Variants in AGL observed in about 807,000 individuals in gnomAD.
AGL encodes amylo-alpha-1,6-glucosidase and 4-alpha-glucanotransferase.
In AGL, 128 loss-of-function variants were observed where a neutral mutation model predicts 199.3. That is an observed-to-expected ratio of 0.64 (90% CI 0.56 to 0.74). The LOEUF is 0.74. AGL is among the 30% of genes least tolerant of loss of function. AGL has a pLI of 0.00. For missense variants in AGL, 1,809 were observed against 1,820.8 expected, an observed-to-expected ratio of 0.99 and a Z score of 0.12; for synonymous variants, 584 against 594.7, an observed-to-expected ratio of 0.98 and a Z score of 0.26.
Position 99,861,552 on chromosome 1 carries a change from T to A in AGL, c.132T>A (p.Val44=), listed in dbSNP as rs1317045410. The A allele has an allele frequency of 6.2e-7, 1 of 1,614,016 alleles. No homozygotes were observed. Among genetic ancestry groups the A allele is most frequent in the South Asian group, 1.1e-5 (1 of 91,076 alleles). Residue 44 remains valine (V), a synonymous_variant, in exon 3 of 34, where the codon GTT becomes GTA. Coordinates refer to ENST00000361915, the MANE Select transcript of AGL (RefSeq NM_000642.3). ...GCCCAACTTTACAGGGAAAAGCAGTTACCGTGTATACAAATTACCCATTTC... is the reference window on the plus strand; with the variant it reads ...GCCCAACTTTACAGGGAAAAGCAGTAACCGTGTATACAAATTACCCATTTC... The part of the protein sequence containing the change: ...RLGPTLQGKA[V]TVYTNYPFPG...
At chr1:99,874,357 TAAA>T (rs1214752345) in intron 7 of AGL, 1 of 152,808 alleles carries the variant, frequency 6.5e-6, no homozygotes, top group African/African-American at 2.4e-5. Flanking sequence ...TATAAAAAAA[TAAA>T]AAAAGAATAG....
Position 99,864,526 on chromosome 1 carries a change from G to A in AGL, c.601G>A (p.Val201Met). 1 of 1,613,938 alleles carries A rather than the reference G, an allele frequency of 6.2e-7. No homozygotes were observed. Among genetic ancestry groups the A allele is most frequent in the Non-Finnish European group, 8.5e-7 (1 of 1,179,912 alleles). Reference protein sequence around the residue: ...KYTWNDVGQLVEKLKKEWNVI... With the variant: ...KYTWNDVGQLMEKLKKEWNVI... The stretch of plus-strand genomic sequence containing the variant: ...TACCTGGAATGATGTTGGACAGCTA[G>A]TGGAAAAATTAAAAAAGGAATGGAA... The change falls in exon 5 of 34, where the codon GTG (valine) becomes ATG (methionine). Residue 201 changes from valine to methionine, a missense_variant. Coordinates refer to ENST00000361915, the MANE Select transcript of AGL (RefSeq NM_000642.3).
At chr1:99,915,553 ATTTT>A in intron 31 of AGL, 67 bp downstream of exon 31, 2 of 1,035,582 alleles carry the variant, frequency 1.9e-6, no homozygotes, top group African/African-American at 1.7e-5. Flanking sequence ...ATCAACCATA[ATTTT>A]TTTTTTTTTG....
chr1:99,895,013 C>T (rs1307475805), intron 24 of AGL, among the ~76,000 whole-genome samples: 1 of 152,040 alleles, frequency 6.6e-6, no homozygotes, highest in African/African-American at 2.4e-5. Flanking sequence ...CCTCAGTTTC[C>T]CCTAACCAAA....
rs1236821933 is a variant in AGL at position 99,864,438 on chromosome 1, A to G, written c.513A>G (p.Ser171=). 6.2e-6 allele frequency: 10 copies of G among 1,613,960 alleles called. No homozygotes were observed. The highest frequency in any genetic ancestry group is 2.2e-5 in the East Asian group (1 of 44,830). ...TGCAGACTCTTGGACTATCTAGGTC[A>G]TGCTACTCCCTTGCCAATCAGTTAG... ...TPLQTLGLSR[S]CYSLANQLEL... is the part of the protein sequence containing the mutation. The change falls in exon 5 of 34, where the codon TCA becomes TCG. Residue 171 remains serine (S), a synonymous_variant. Coordinates refer to ENST00000361915, the MANE Select transcript of AGL (RefSeq NM_000642.3).
intron 2 of AGL, among the ~76,000 whole-genome samples, chr1:99,857,209 A>G (rs1415059027): frequency 6.6e-6 from 1 of 151,868 alleles, no homozygotes; most frequent in Non-Finnish European, 1.5e-5. Context: ...CTCACATCCC[A>G]GACGGGGCGG....
chr1:99,921,725 G>C lies in AGL; in HGVS notation c.*74G>C. 3.0e-6 allele frequency: 3 copies of C among 993,034 alleles called. No individual in the cohort carries two copies. The Admixed American group carries it at 5.6e-5, about 19-fold the overall frequency. The allele number at this position is 993,034 out of a possible 1,614,324, so 61.5% of individuals were successfully genotyped here. A position where few individuals can be genotyped will look rare whatever the true frequency, so the allele number is the denominator to read the frequency against. The stretch of plus-strand genomic sequence containing the variant: ...GTCATCATATGTAAATGCCTTATAT[G>C]CACAGGCTCAAGTTGTTTTAAAAAT... On this transcript the variant is annotated 3_prime_UTR_variant, in exon 34 of 34. Transcript: ENST00000361915.
Position 99,891,712 on chromosome 1 carries a change from T to G in AGL, c.3056T>G (p.Leu1019Arg). ...AILIGAYTTL[L>R]DTAWKQMSSF... is the part of the protein sequence containing the mutation. ...TTAATTGGTGCATATACCACTCTTC[T>G]GGATACAGCATGGAAGCAGATGTCA... Residue 1019 changes from leucine to arginine, a missense_variant, in exon 23 of 34, where the codon CTG becomes CGG. Physicochemically the swap from Leu to Arg is moderately radical, Grantham distance 102. Transcript: ENST00000361915. 1 of 1,613,608 alleles carries G rather than the reference T, an allele frequency of 6.2e-7. No individual in the cohort carries two copies. Among genetic ancestry groups the G allele is most frequent in the African/African-American group, 1.3e-5 (1 of 75,030 alleles).
At chr1:99,913,998 A>G (rs891559571) in intron 30 of AGL, among the ~76,000 whole-genome samples, 3 of 152,214 alleles carry the variant, frequency 2.0e-5, no homozygotes, top group African/African-American at 7.2e-5. Context: ...CAGAGCACAC[A>G]TAGAAGATGT....
chr1:99,862,526 G>A, intron 4 of AGL, 103 bp downstream of exon 4: 2 of 1,277,232 alleles, frequency 1.6e-6, no homozygotes, highest in Non-Finnish European at 2.2e-6. Context: ...TTCTCTCATT[G>A]CAGTAAAGAA....
intron 20 of AGL, 61 bp from the exon 21 acceptor site, chr1:99,887,913 CTTTT>C: frequency 6.4e-7 from 1 of 1,572,604 alleles, no homozygotes; most frequent in Non-Finnish European, 8.7e-7. Context: ...AGATTTTCTT[CTTTT>C]GTTTCTATTG....
chr1:99,915,908 G>A (rs1655081181), intron 31 of AGL, among the ~76,000 whole-genome samples: 2 of 152,074 alleles, frequency 1.3e-5, no homozygotes, highest in Non-Finnish European at 2.9e-5. Context: ...TTACAATAAA[G>A]CAATATGTAT....
rs1012435007 is a variant in AGL, at chr1:99,891,325, G to A, written c.2918G>A (p.Arg973Gln). The change falls in exon 22 of 34, where the codon CGG becomes CAG. Residue 973 changes from arginine (R) to glutamine (Q), a missense_variant. Transcript: ENST00000361915. ...TGGATGATTGACTATGTCAGTAACC[G>A]GCTTATTTCACGATCAGGAACTATT... ...GDWMIDYVSN[R>Q]LISRSGTIAE... 5.6e-6 allele frequency: 9 copies of A among 1,613,486 alleles called. No individual in the cohort carries two copies. Among genetic ancestry groups the A allele is most frequent in the South Asian group, 2.2e-5 (2 of 91,066 alleles).
chr1:99,909,594 G>A (rs1654585181), intron 27 of AGL, among the ~76,000 whole-genome samples: 1 of 152,106 alleles, frequency 6.6e-6, no homozygotes, highest in African/African-American at 2.4e-5. Flanking sequence ...ACCTGTTGGA[G>A]GTTGCAGGTT....
At chr1:99,861,432 TAAAA>T (rs1206618304) in intron 2 of AGL, 67 bp from the exon 3 acceptor site, 1 of 1,602,774 alleles carries the variant, frequency 6.2e-7, no homozygotes, top group East Asian at 2.2e-5. Context: ...ATACTTTAAA[TAAAA>T]CATCTGTTTT....
rs1337704165 is a variant in AGL at position 99,896,391 on chromosome 1, AG to A, written c.3362+5del. 6.2e-7 allele frequency: 1 copy of A among 1,605,088 alleles called. No individual in the cohort carries two copies. Among genetic ancestry groups the A allele is most frequent in the East Asian group, 2.2e-5 (1 of 44,824 alleles). On this transcript the variant is annotated splice_donor_region_variant and intron_variant, in intron 25 of 33. Transcript: ENST00000361915. Reference sequence around the variant, plus strand: ...ACTGGACGCTATGTAGAAGCCAGGTAGGAGAGCCTCTAAAGTGTTGTACTGC... The same window carrying A: ...ACTGGACGCTATGTAGAAGCCAGGTAGAGAGCCTCTAAAGTGTTGTACTGC...
chr1:99,906,169 C>T (rs1051522286), intron 27 of AGL, among the ~76,000 whole-genome samples: 9 of 152,256 alleles, frequency 5.9e-5, no homozygotes, highest in Non-Finnish European at 1.3e-4. Context: ...GAACCACTAT[C>T]CTACTTTCTG....
chr1:99,884,195 C>T lies in AGL; in HGVS notation c.2384C>T (p.Ser795Leu), dbSNP rs1206517501. ...AAACCTTATAGGAAGGATGAGAATT[C>T]AATCAATGGAACACCAGATATCACA... Reference protein sequence around the residue: ...NTKPYRKDENSINGTPDITVE... With the variant: ...NTKPYRKDENLINGTPDITVE... Residue 795 changes from serine to leucine, a missense_variant, in exon 18 of 34, where the codon TCA becomes TTA. Transcript: ENST00000361915. The T allele has an allele frequency of 1.2e-6, 2 of 1,613,082 alleles. No homozygotes were observed. The highest frequency in any genetic ancestry group is 3.3e-5 in the Admixed American group (2 of 59,976).
chr1:99,883,321 C>T (rs1196311804), intron 17 of AGL, among the ~76,000 whole-genome samples: 1 of 151,888 alleles, frequency 6.6e-6, no homozygotes, highest in African/African-American at 2.4e-5. Flanking sequence ...ATCCATTGAC[C>T]CTGCAGTTCT....
Sources: gnomAD v4.1 joint callset for allele counts (sites outside exome capture counted in the v4.1 genomes callset) on GRCh38, gnomAD v4.1.1 for gene constraint, MANE v1.5 for transcripts, NCBI Gene and HGNC (gene_info 2026-07-23, HGNC 2026-07-21) for gene names.